The following SPOCK1 variants were observed in gnomAD, a reference collection of about 807,000 sequenced individuals.
The protein encoded by SPOCK1 is testican-1.
SPOCK1 carries 23 observed loss-of-function variants against 55.3 expected under a neutral mutation model. That is an observed-to-expected ratio of 0.42 (90% CI 0.30 to 0.59). The LOEUF (loss-of-function observed/expected upper bound fraction) is 0.59. SPOCK1 is among the 20% of genes least tolerant of loss of function. The probability of loss-of-function intolerance (pLI) is 0.22; values close to 1 mark genes in which losing one functional copy is unlikely to be tolerated. For synonymous variants in SPOCK1, 226 were observed against 221.0 expected, an observed-to-expected ratio of 1.02 and a Z score of -0.20; for missense variants, 499 against 552.5, an observed-to-expected ratio of 0.90 and a Z score of 0.97.
At chr5:137,491,630 A>G (rs2149845444) in intron 2 of SPOCK1, among the ~76,000 whole-genome samples, 1 of 152,326 alleles carries the variant, frequency 6.6e-6, no homozygotes, top group African/African-American at 2.4e-5. Context: ...TGGCTTAGAG[A>G]TAGGAGTTAG....
chr5:137,073,300 G>A (rs1326985325), intron 5 of SPOCK1, among the ~76,000 whole-genome samples: 50 of 152,180 alleles, frequency 3.3e-4, no homozygotes, highest in Admixed American at 3.1e-3. Context: ...GAGAATAAAG[G>A]AGAGGGAATG....
intron 2 of SPOCK1, among the ~76,000 whole-genome samples, chr5:137,334,304 ATG>A (rs1368050806): frequency 6.6e-6 from 1 of 152,228 alleles, no homozygotes; most frequent in Non-Finnish European, 1.5e-5. Context: ...TTTCAAATAT[ATG>A]AACAGGGTTC....
chr5:137,280,580 G>C (rs1289372535), intron 2 of SPOCK1, among the ~76,000 whole-genome samples: 3 of 152,148 alleles, frequency 2.0e-5, no homozygotes, highest in Non-Finnish European at 4.4e-5. Context: ...TTATGTCCTA[G>C]ATCTTTAAAA....
At chr5:137,412,175 G>A (rs1032492236) in intron 2 of SPOCK1, among the ~76,000 whole-genome samples, 46 of 152,174 alleles carry the variant, frequency 3.0e-4, no homozygotes, top group Non-Finnish European at 5.6e-4. Flanking sequence ...AGGCCCACAA[G>A]CCCCACTCCA....
intron 5 of SPOCK1, among the ~76,000 whole-genome samples, chr5:137,070,485 C>T (rs565957492): frequency 6.6e-6 from 1 of 152,316 alleles, no homozygotes; most frequent in Non-Finnish European, 1.5e-5. Flanking sequence ...GTTCAATAAA[C>T]AGCTGCTGAA....
intron 2 of SPOCK1, among the ~76,000 whole-genome samples, chr5:137,272,580 T>C (rs1756985446): frequency 6.6e-6 from 1 of 152,162 alleles, no homozygotes; most frequent in Non-Finnish European, 1.5e-5. Flanking sequence ...GGAGCCTCAG[T>C]GAGAATCCTT....
chr5:137,037,085 A>C (rs1243441568), intron 6 of SPOCK1, among the ~76,000 whole-genome samples: 1 of 152,028 alleles, frequency 6.6e-6, no homozygotes, highest in African/African-American at 2.4e-5. Context: ...ATGAAAAATA[A>C]AGCTAATTTC....
intron 5 of SPOCK1, among the ~76,000 whole-genome samples, chr5:137,085,585 T>C (rs1744121995): frequency 6.6e-6 from 1 of 152,124 alleles, no homozygotes; most frequent in Admixed American, 6.5e-5. Context: ...ACTCACCTTT[T>C]GCAAGGGAAT....
intron 2 of SPOCK1, among the ~76,000 whole-genome samples, chr5:137,435,650 G>A (rs1049745652): frequency 1.3e-5 from 2 of 152,080 alleles, no homozygotes; most frequent in African/African-American, 4.8e-5. Flanking sequence ...GCATTGAAAG[G>A]CTTAAGATTT....
At chr5:137,078,952 A>G (rs941113030) in intron 5 of SPOCK1, among the ~76,000 whole-genome samples, 1 of 152,146 alleles carries the variant, frequency 6.6e-6, no homozygotes, top group Non-Finnish European at 1.5e-5. Flanking sequence ...AGAGATCTGT[A>G]CCCCACATAT....
intron 3 of SPOCK1, among the ~76,000 whole-genome samples, chr5:137,175,639 A>C (rs1243939157): frequency 6.6e-6 from 1 of 152,212 alleles, no homozygotes; most frequent in Non-Finnish European, 1.5e-5. Flanking sequence ...ACTTGGCTTT[A>C]CTTGACCTCA....
chr5:137,350,279 G>C (rs866594699), intron 2 of SPOCK1, among the ~76,000 whole-genome samples: 4 of 152,266 alleles, frequency 2.6e-5, no homozygotes, highest in African/African-American at 9.6e-5. Flanking sequence ...GAAGCCAAGG[G>C]AAAAGAAGGT....
At chr5:137,078,233 A>T (rs1266631673) in intron 5 of SPOCK1, among the ~76,000 whole-genome samples, 1 of 152,126 alleles carries the variant, frequency 6.6e-6, no homozygotes, top group Non-Finnish European at 1.5e-5. Flanking sequence ...CGCTAGGAGA[A>T]AGGAAGAGGA....
intron 2 of SPOCK1, among the ~76,000 whole-genome samples, chr5:137,340,113 A>T (rs10477793): frequency 0.028 from 4,277 of 152,284 alleles, 181 homozygotes; most frequent in African/African-American, 0.097. Context: ...CTTGATTAAA[A>T]CACACACCAG....
chr5:137,301,106 T>C (rs1463861826), intron 2 of SPOCK1, among the ~76,000 whole-genome samples: 1 of 152,246 alleles, frequency 6.6e-6, no homozygotes, highest in Non-Finnish European at 1.5e-5. Context: ...TTAGTCTCTT[T>C]GTCTATGCCT....
rs61236286 is a variant in SPOCK1 at position 137,268,192 on chromosome 5, T to G, written c.187-1137A>C. Among the ~76,000 whole-genome samples, 510 of 152,310 alleles carry G rather than the reference T, an allele frequency of 3.3e-3. 1 individual carries two copies. The highest frequency in any genetic ancestry group is 0.012 in the African/African-American group (492 of 41,572). Reference sequence around the variant, plus strand: ...GTAGCTTTATTATATCCTTGTTGAGTTCACCTAGGCCCTTAAATAGATTTT... The same window carrying G: ...GTAGCTTTATTATATCCTTGTTGAGGTCACCTAGGCCCTTAAATAGATTTT... On this transcript the variant is annotated intron_variant, in intron 2 of 10. Transcript: ENST00000394945.
At chr5:137,331,987 A>G (rs1693195180) in intron 2 of SPOCK1, among the ~76,000 whole-genome samples, 1 of 152,178 alleles carries the variant, frequency 6.6e-6, no homozygotes, top group South Asian at 2.1e-4. Context: ...CTACTAACCC[A>G]GATCACATCG....
intron 2 of SPOCK1, among the ~76,000 whole-genome samples, chr5:137,298,219 T>C (rs560525042): frequency 3.3e-5 from 5 of 152,300 alleles, no homozygotes; most frequent in African/African-American, 1.2e-4. Flanking sequence ...GGGCTGACCA[T>C]ACCCCACCCT....
chr5:137,188,281 G>A (rs557174219), intron 3 of SPOCK1, among the ~76,000 whole-genome samples: 3 of 152,154 alleles, frequency 2.0e-5, no homozygotes, highest in African/African-American at 4.8e-5. Context: ...ATCTTATGGC[G>A]CTTTGCTTAT....
Sources: allele counts gnomAD v4.1 joint callset (sites outside exome capture counted in the v4.1 genomes callset), GRCh38; gene constraint gnomAD v4.1.1; transcripts MANE v1.5; gene names NCBI Gene and HGNC (gene_info 2026-07-23, HGNC 2026-07-21).